Variants in ATRNL1 observed in about 807,000 individuals in gnomAD.
ATRNL1 encodes attractin like 1.
Under a neutral mutation model 182.7 loss-of-function variants are expected in ATRNL1, and 95 were observed. The observed-to-expected ratio is 0.52, with a 90% CI of 0.44 to 0.62. The LOEUF is 0.62. Among genes scored for constraint, ATRNL1 ranks in the 20% least tolerant of loss-of-function variants. The probability of loss-of-function intolerance (pLI) is 0.00; values close to 1 mark genes in which losing one functional copy is unlikely to be tolerated. For synonymous variants in ATRNL1, 576 were observed against 568.3 expected (o/e 1.01, Z -0.19); for missense variants, 1,471 against 1,679.5 (o/e 0.88, Z 2.17).
chr10:115,839,669 C>T (rs998589725), intron 27 of ATRNL1, among the ~76,000 whole-genome samples: 6 of 152,138 alleles, frequency 3.9e-5, no homozygotes, highest in East Asian at 1.9e-4. Flanking sequence ...TGCCTCCCTC[C>T]GTTACTACCC....
chr10:115,129,499 G>A lies in ATRNL1; in HGVS notation c.793G>A (p.Gly265Arg), dbSNP rs1333850908. 1.2e-6 allele frequency: 2 copies of A among 1,613,928 alleles called. No individual in the cohort carries two copies. Among genetic ancestry groups the A allele is most frequent in the African/African-American group, 2.7e-5 (2 of 74,902 alleles). ...AGATCACGGTTACTGTGACCTGACT[G>A]GAGAAAAATTATGTGTCTGCAATGA... ...SPDHGYCDLT[G>R]EKLCVCNDSW... The change falls in exon 5 of 29, where the codon GGA becomes AGA. Residue 265 changes from glycine (G) to arginine (R), a missense_variant. This residue lies in a region of ATRNL1 where 1,031 missense variants were observed against 1,156.0 expected (regional missense o/e 0.89). Transcript: ENST00000355044.
chr10:115,484,634 T>G (rs1848933418), intron 24 of ATRNL1, among the ~76,000 whole-genome samples: 1 of 151,794 alleles, frequency 6.6e-6, no homozygotes, highest in East Asian at 1.9e-4. Flanking sequence ...GCATCTTAGC[T>G]TATATTTATT....
intron 8 of ATRNL1, among the ~76,000 whole-genome samples, chr10:115,191,100 TTTC>T (rs1328324163): frequency 3.9e-5 from 6 of 152,168 alleles, no homozygotes; most frequent in Admixed American, 3.9e-4. Flanking sequence ...TGCATAGAAT[TTTC>T]TTCTCATTCA....
chr10:115,389,236 G>A (rs191595456), intron 19 of ATRNL1, among the ~76,000 whole-genome samples: 253 of 152,100 alleles, frequency 1.7e-3, no homozygotes, highest in African/African-American at 5.7e-3. Flanking sequence ...GCCGGGTGCG[G>A]TGGCTCACAC....
chr10:115,251,199 A>G (rs186868586), intron 10 of ATRNL1, among the ~76,000 whole-genome samples: 1 of 152,102 alleles, frequency 6.6e-6, no homozygotes, highest in East Asian at 1.9e-4. Flanking sequence ...TGGAGATTTG[A>G]TGGGGTCCAT....
chr10:115,816,320 C>G (rs1221913806), intron 27 of ATRNL1, among the ~76,000 whole-genome samples: 1 of 152,072 alleles, frequency 6.6e-6, no homozygotes, highest in Non-Finnish European at 1.5e-5. Flanking sequence ...TGTTGCTAAA[C>G]AATGAGAAAT....
At chr10:115,790,694 A>G (rs1949511033) in intron 27 of ATRNL1, among the ~76,000 whole-genome samples, 1 of 151,526 alleles carries the variant, frequency 6.6e-6, no homozygotes, top group Non-Finnish European at 1.5e-5. Flanking sequence ...CTAGACCAGT[A>G]TGTTTTTAAA....
chr10:115,299,951 A>C (rs949692828), intron 15 of ATRNL1, 83 bp from the exon 16 acceptor site: 38 of 938,854 alleles, frequency 4.0e-5, no homozygotes, highest in Non-Finnish European at 5.9e-5. Context: ...ATAATTTTTA[A>C]TGATAGTGAA....
intron 27 of ATRNL1, among the ~76,000 whole-genome samples, chr10:115,737,973 T>C (rs1453925786): frequency 6.6e-6 from 1 of 151,946 alleles, no homozygotes; most frequent in Non-Finnish European, 1.5e-5. Flanking sequence ...CCAGAGTTTC[T>C]ATAGGACCCA....
intron 27 of ATRNL1, among the ~76,000 whole-genome samples, chr10:115,738,154 T>TTTTTTTTTTTTTTTTTTTTTTTG (rs71010046): frequency 1.6e-5 from 1 of 63,870 alleles, no homozygotes; most frequent in Non-Finnish European, 3.3e-5. Context: ...TTTTTTTTTT[T>TTTTTTTTTTTTTTTTTTTTTTTG]TTGAGATGGA....
In ATRNL1 at chr10:115,635,060, A is replaced by G. The variant is rs553241688; in HGVS notation, c.3795+85524A>G. 5.3e-5 allele frequency among the ~76,000 whole-genome samples: 8 copies of G among 152,268 alleles called. No homozygotes were observed. In the South Asian group the frequency reaches 1.4e-3, roughly 28 times the overall value. On this transcript the variant is annotated intron_variant, in intron 26 of 28. Coordinates refer to ENST00000355044, the MANE Select transcript of ATRNL1 (RefSeq NM_207303.4). ...GTGAAAACAAAATATTTATTAACAT[A>G]TTTTCATGACCTTGGAGTAGGCAAA...
intron 13 of ATRNL1, among the ~76,000 whole-genome samples, chr10:115,268,850 TTGTG>T (rs1329335356): frequency 5.3e-5 from 8 of 152,338 alleles, no homozygotes; most frequent in African/African-American, 1.9e-4. Context: ...TTTTCACACT[TTGTG>T]TGTAAGTTTA....
At chr10:115,147,045 T>G (rs1846005887) in intron 5 of ATRNL1, among the ~76,000 whole-genome samples, 2 of 152,132 alleles carry the variant, frequency 1.3e-5, no homozygotes, top group Admixed American at 6.6e-5. Context: ...TTGAGGAGTT[T>G]CCATACTGTT....
chr10:115,728,111 T>C (rs1369012809), intron 27 of ATRNL1, among the ~76,000 whole-genome samples: 34 of 44,368 alleles, frequency 7.7e-4, no homozygotes, highest in African/African-American at 2.5e-3. Context: ...CCGTCTCTAC[T>C]AAAAAAAAAA....
intron 27 of ATRNL1, among the ~76,000 whole-genome samples, chr10:115,805,626 G>T (rs1293944014): frequency 6.6e-6 from 1 of 152,008 alleles, no homozygotes; most frequent in African/African-American, 2.4e-5. Flanking sequence ...GAACCAAAAA[G>T]CACCTTAAAC....
intron 19 of ATRNL1, among the ~76,000 whole-genome samples, chr10:115,379,397 C>A (rs688490): frequency 0.37 from 55,727 of 151,776 alleles, 11,434 homozygotes; most frequent in African/African-American, 0.56. Flanking sequence ...AATTCTCTCA[C>A]AATGAGCTCA....
intron 26 of ATRNL1, among the ~76,000 whole-genome samples, chr10:115,668,693 A>G (rs1861141337): frequency 6.6e-6 from 1 of 152,154 alleles, no homozygotes. Context: ...CTCTAGGATT[A>G]CATAAATCTT....
intron 9 of ATRNL1, among the ~76,000 whole-genome samples, chr10:115,233,931 CAT>C (rs1245714257): frequency 2.0e-4 from 31 of 151,476 alleles, no homozygotes; most frequent in African/African-American, 7.3e-4. Context: ...GAGATTTGCA[CAT>C]GTTTTTTTTG....
At chr10:115,527,796 C>T (rs190326818) in intron 25 of ATRNL1, among the ~76,000 whole-genome samples, 1,962 of 130,344 alleles carry the variant, frequency 0.015, 44 homozygotes, top group African/African-American at 0.053. Flanking sequence ...CTCCCTCCCT[C>T]CTTCCCTCCC....
Sources: allele counts gnomAD v4.1 joint callset (sites outside exome capture counted in the v4.1 genomes callset), GRCh38; gene constraint gnomAD v4.1.1; regional missense constraint gnomAD v4.1.1; transcripts MANE v1.5; gene names NCBI Gene and HGNC (gene_info 2026-07-23, HGNC 2026-07-21).